Variants in SLC17A1 observed in about 807,000 individuals in gnomAD.
The protein encoded by SLC17A1 is solute carrier family 17 member 1.
SLC17A1 carries 51 observed loss-of-function variants against 53.5 expected under a neutral mutation model. The ratio of observed to expected loss-of-function variants is 0.95; its 90% CI spans 0.76 to 1.20. The LOEUF (loss-of-function observed/expected upper bound fraction) is 1.20. SLC17A1 is among the 50% of genes most tolerant of loss of function. The probability of loss-of-function intolerance (pLI) is 0.00; values close to 1 mark genes in which losing one functional copy is unlikely to be tolerated. For synonymous variants in SLC17A1, 179 were observed against 198.8 expected (o/e 0.90, Z 0.84); for missense variants, 538 against 568.2 (o/e 0.95, Z 0.54).
chr6:25,732,915 C>A, the SLC17A1 span: 1 of 244,878 alleles, frequency 4.1e-6, no homozygotes, highest in Non-Finnish European at 8.0e-6. Flanking sequence ...AACCCCAAAG[C>A]TGAAATCAAA....
the SLC17A1 span, among the ~76,000 whole-genome samples, chr6:25,749,047 C>T: frequency 1.3e-5 from 2 of 152,200 alleles, no homozygotes; most frequent in African/African-American, 4.8e-5. Flanking sequence ...ACTAATCCTC[C>T]TCAGCACAGA....
At position 25,826,629 on chromosome 6, in the gene SLC17A1, T is replaced by G; in HGVS notation, c.39A>C (p.Pro13=). Residue 13 remains proline, a synonymous_variant, in exon 3 of 13, where the codon CCA becomes CCC. Transcript: ENST00000244527. ...MDNRLPPKKV[P]GFCSFRYGLS... The stretch of plus-strand genomic sequence containing the variant: ...ATCCATAGCGAAAGGAACAGAAACC[T>G]GGAACTACAAAGTAAAACAGAAAGT... 6.4e-7 allele frequency: 1 copy of G among 1,563,948 alleles called. No individual in the cohort carries two copies. The highest frequency in any genetic ancestry group is 8.7e-7 in the Non-Finnish European group (1 of 1,152,186).
chr6:25,810,091 G>A (rs969468448), intron 10 of SLC17A1, among the ~76,000 whole-genome samples: 50 of 151,954 alleles, frequency 3.3e-4, no homozygotes, highest in African/African-American at 1.2e-3. Context: ...CACTCATCGC[G>A]TGCCTTATAT....
At chr6:25,726,088 G>A in the SLC17A1 span, 28 of 1,478,552 alleles carry the variant, frequency 1.9e-5, 1 homozygote, top group East Asian at 3.4e-4. Flanking sequence ...AGAGCCTTTT[G>A]TTTTTTCTGA....
At chr6:25,734,737 A>T in the SLC17A1 span, among the ~76,000 whole-genome samples, 1 of 152,232 alleles carries the variant, frequency 6.6e-6, no homozygotes, top group Non-Finnish European at 1.5e-5. Flanking sequence ...GTAGATGCTT[A>T]AAAAGCATTT....
chr6:25,732,999 A>G, the SLC17A1 span, among the ~76,000 whole-genome samples: 7 of 152,256 alleles, frequency 4.6e-5, no homozygotes, highest in South Asian at 2.1e-4. Context: ...TGTTTCGTCA[A>G]TAAGACTACA....
chr6:25,787,346 G>A (rs1360895265), intron 12 of SLC17A1, among the ~76,000 whole-genome samples: 1 of 151,836 alleles, frequency 6.6e-6, no homozygotes, highest in Non-Finnish European at 1.5e-5. Flanking sequence ...AAAAGTTATT[G>A]GGATAGGGTA....
chr6:25,805,050 G>A (rs1229105263), intron 10 of SLC17A1, among the ~76,000 whole-genome samples: 1 of 151,926 alleles, frequency 6.6e-6, no homozygotes, highest in Admixed American at 6.6e-5. Flanking sequence ...CATATTTACA[G>A]AACATTCTAC....
At chr6:25,807,023 A>G (rs753226900) in intron 10 of SLC17A1, among the ~76,000 whole-genome samples, 1 of 152,168 alleles carries the variant, frequency 6.6e-6, no homozygotes, top group Non-Finnish European at 1.5e-5. Flanking sequence ...AAGTTAAAAA[A>G]CAATAGACAT....
intron 10 of SLC17A1, among the ~76,000 whole-genome samples, chr6:25,809,785 T>C (rs999021362): frequency 1.3e-5 from 2 of 151,974 alleles, no homozygotes; most frequent in Admixed American, 1.3e-4. Flanking sequence ...TCTATGGAAG[T>C]ACAAAAGGTC....
intron 6 of SLC17A1, among the ~76,000 whole-genome samples, chr6:25,818,586 G>C (rs570869634): frequency 6.6e-6 from 1 of 152,240 alleles, no homozygotes; most frequent in Non-Finnish European, 1.5e-5. Flanking sequence ...CTGAAACCAA[G>C]ATCAGAGAGC....
chr6:25,831,716 A>G lies in SLC17A1; in HGVS notation c.-51+278T>C, dbSNP rs1764956525. Among the ~76,000 whole-genome samples the G allele has an allele frequency of 2.0e-5, 3 of 152,294 alleles. No individual in the cohort carries two copies. In the East Asian group the frequency reaches 5.8e-4, roughly 29 times the overall value. On this transcript the variant is annotated intron_variant, in intron 1 of 12. Transcript: ENST00000244527. ...CAGGCGTACACAGTGTGCCACACAC[A>G]TTACAGACACAGCACACCACAGCTA...
the SLC17A1 span, among the ~76,000 whole-genome samples, chr6:25,752,842 C>T: frequency 6.6e-6 from 1 of 151,960 alleles, no homozygotes; most frequent in African/African-American, 2.4e-5. Context: ...GTCCCAGCTA[C>T]TCGGGAGGCT....
In SLC17A1 at chr6:25,812,861, G is replaced by C; in HGVS notation, c.867C>G (p.Ile289Met). The C allele has an allele frequency of 6.2e-7, 1 of 1,610,994 alleles. No individual in the cohort carries two copies. The highest frequency in any genetic ancestry group is 8.5e-7 in the Non-Finnish European group (1 of 1,178,196). ...TTATATTAACATGAAGCATGGAGTT[G>C]ATAAACATTGGAGTGTATAGTGTCA... ...NIMTLYTPMFINSMLHVNIKE... is the reference protein window; with the variant it reads ...NIMTLYTPMFMNSMLHVNIKE... The change falls in exon 8 of 13, where the codon ATC (isoleucine) becomes ATG (methionine). Residue 289 changes from isoleucine (I) to methionine (M), a missense_variant. Coordinates refer to ENST00000244527, the MANE Select transcript of SLC17A1 (RefSeq NM_005074.5).
chr6:25,771,300 G>T, the SLC17A1 span, among the ~76,000 whole-genome samples: 4 of 152,142 alleles, frequency 2.6e-5, no homozygotes, highest in African/African-American at 9.7e-5. Context: ...TAGGCTAGGC[G>T]TGGTAGCTCA....
intron 8 of SLC17A1, among the ~76,000 whole-genome samples, chr6:25,812,010 G>T (rs576943446): frequency 6.6e-6 from 1 of 152,072 alleles, no homozygotes; most frequent in African/African-American, 2.4e-5. Context: ...ATCATGAAAC[G>T]TAAAAGCACT....
At chr6:25,743,462 G>A in the SLC17A1 span, among the ~76,000 whole-genome samples, 5 of 152,058 alleles carry the variant, frequency 3.3e-5, no homozygotes, top group Non-Finnish European at 7.4e-5. Context: ...CCAATTCAAA[G>A]CATAGGAAAA....
At chr6:25,792,341 G>A (rs1763519535) in intron 12 of SLC17A1, among the ~76,000 whole-genome samples, 1 of 152,162 alleles carries the variant, frequency 6.6e-6, no homozygotes, top group African/African-American at 2.4e-5. Context: ...TAAAAACCTA[G>A]GTGGGGCTTC....
the SLC17A1 span, chr6:25,761,806 C>A: frequency 1.7e-6 from 1 of 592,946 alleles, no homozygotes; most frequent in Non-Finnish European, 2.9e-6. Flanking sequence ...AGTTAGTTTT[C>A]ATAAACCCTA....
Sources: gnomAD v4.1 joint callset for allele counts (sites outside exome capture counted in the v4.1 genomes callset) on GRCh38, gnomAD v4.1.1 for gene constraint, MANE v1.5 for transcripts, NCBI Gene and HGNC (gene_info 2026-07-23, HGNC 2026-07-21) for gene names.